RGS6: variants seen among roughly 807,000 people sequenced by gnomAD.
The protein encoded by RGS6 is regulator of G-protein signaling 6.
In RGS6, 30 loss-of-function variants were observed where a neutral mutation model predicts 78.5. That is an observed-to-expected ratio of 0.38 (90% CI 0.29 to 0.52). The LOEUF (loss-of-function observed/expected upper bound fraction) is 0.52, where lower values mean the gene tolerates loss of function less well. Ranked by LOEUF, RGS6 falls within the 20% of genes least tolerant of loss-of-function variation. The pLI, the probability that RGS6 is intolerant of heterozygous loss-of-function variation, is 0.85. For missense variants in RGS6, 495 were observed against 609.7 expected, an observed-to-expected ratio of 0.81 and a Z score of 1.98; for synonymous variants, 206 against 206.0, an observed-to-expected ratio of 1.00 and a Z score of 0.00.
intron 2 of RGS6, among the ~76,000 whole-genome samples, chr14:72,068,281 T>C (rs58912938): frequency 2.2e-3 from 327 of 151,416 alleles, no homozygotes; most frequent in African/African-American, 7.5e-3. Context: ...ACTACAGGCA[T>C]GCACCACCAC....
chr14:72,152,271 T>C (rs867733044), intron 2 of RGS6, among the ~76,000 whole-genome samples: 61 of 149,528 alleles, frequency 4.1e-4, no homozygotes, highest in Admixed American at 2.5e-3. Flanking sequence ...TGTGTGTGTG[T>C]GTGCGCATGC....
At chr14:72,615,681 C>T in the RGS6 span, among the ~76,000 whole-genome samples, 4 of 152,330 alleles carry the variant, frequency 2.6e-5, no homozygotes, top group East Asian at 5.8e-4. Context: ...CTTCCTACCT[C>T]GCCCTGGGGC....
chr14:72,348,316 T>C (rs1455474003), intron 2 of RGS6, among the ~76,000 whole-genome samples: 1 of 152,234 alleles, frequency 6.6e-6, no homozygotes, highest in East Asian at 1.9e-4. Context: ...CTTGGATAAA[T>C]TGCTTAACCT....
intron 2 of RGS6, among the ~76,000 whole-genome samples, chr14:72,119,529 T>A (rs564006334): frequency 6.6e-6 from 1 of 152,330 alleles, no homozygotes; most frequent in Admixed American, 6.5e-5. Flanking sequence ...TTATTCTTTC[T>A]GTGAACAGCT....
intron 2 of RGS6, among the ~76,000 whole-genome samples, chr14:72,181,836 C>T (rs1054277581): frequency 2.0e-5 from 3 of 152,158 alleles, no homozygotes; most frequent in African/African-American, 4.8e-5. Context: ...GAGTGACGCA[C>T]ATTAAAATTA....
chr14:72,319,518 AT>A (rs747272038), intron 2 of RGS6, among the ~76,000 whole-genome samples: 51 of 151,862 alleles, frequency 3.4e-4, no homozygotes, highest in Non-Finnish European at 5.1e-4. Flanking sequence ...TGCCCGGCTA[AT>A]TTTTTTGTAT....
At chr14:72,263,382 C>T (rs986095988) in intron 2 of RGS6, among the ~76,000 whole-genome samples, 15 of 152,118 alleles carry the variant, frequency 9.9e-5, no homozygotes, top group African/African-American at 3.4e-4. Context: ...AGCCTTGTCA[C>T]CACCTGGAGA....
chr14:72,489,156 G>GCC (rs35147203), intron 12 of RGS6, among the ~76,000 whole-genome samples: 25,750 of 141,566 alleles, frequency 0.18, 2,984 homozygotes, highest in East Asian at 0.58. Flanking sequence ...GACAAAGGGG[G>GCC]CCCCCCCACC....
At chr14:72,391,020 G>A (rs2089837931) in intron 3 of RGS6, among the ~76,000 whole-genome samples, 1 of 152,166 alleles carries the variant, frequency 6.6e-6, no homozygotes, top group Non-Finnish European at 1.5e-5. Flanking sequence ...GTTGTCCTGG[G>A]CTGGAAGCAG....
intron 2 of RGS6, among the ~76,000 whole-genome samples, chr14:72,016,878 C>T (rs533789016): frequency 7.2e-5 from 11 of 152,138 alleles, no homozygotes; most frequent in East Asian, 5.8e-4. Context: ...ACAGATAAAT[C>T]GTAAGAATTT....
intron 15 of RGS6, among the ~76,000 whole-genome samples, chr14:72,527,367 T>G (rs528486695): frequency 6.6e-6 from 1 of 152,288 alleles, no homozygotes; most frequent in East Asian, 1.9e-4. Flanking sequence ...AAGCAGCACT[T>G]CAATGTGAGA....
the RGS6 span, among the ~76,000 whole-genome samples, chr14:72,577,061 G>C: frequency 6.6e-6 from 1 of 152,178 alleles, no homozygotes; most frequent in Admixed American, 6.5e-5. Context: ...CCCCATTTTA[G>C]CTACTAAAGT....
At chr14:72,038,818 C>G (rs11849870) in intron 2 of RGS6, among the ~76,000 whole-genome samples, 18,556 of 152,126 alleles carry the variant, frequency 0.12, 1,165 homozygotes, top group East Asian at 0.17. Flanking sequence ...TATGCTATTT[C>G]TTGGGATTTT....
At chr14:72,442,035 A>T (rs1325427926) in intron 3 of RGS6, among the ~76,000 whole-genome samples, 1 of 152,198 alleles carries the variant, frequency 6.6e-6, no homozygotes, top group Non-Finnish European at 1.5e-5. Context: ...AAATGTTTGC[A>T]TCCTGATGCT....
chr14:71,955,574 T>C (rs1167448013), intron 1 of RGS6, among the ~76,000 whole-genome samples: 1 of 152,198 alleles, frequency 6.6e-6, no homozygotes, highest in African/African-American at 2.4e-5. Context: ...CTCCCCTTTT[T>C]AGGCCATATA....
At chr14:72,215,334 G>A (rs1040470821) in intron 2 of RGS6, among the ~76,000 whole-genome samples, 29 of 152,174 alleles carry the variant, frequency 1.9e-4, no homozygotes, top group African/African-American at 6.3e-4. Context: ...CTTTGCTGAC[G>A]GGGTAGAGAT....
At chr14:71,882,364 G>A in the RGS6 span, among the ~76,000 whole-genome samples, 1 of 152,184 alleles carries the variant, frequency 6.6e-6, no homozygotes, top group African/African-American at 2.4e-5. Flanking sequence ...GTTGATGTGG[G>A]CATTTAGGTT....
intron 2 of RGS6, among the ~76,000 whole-genome samples, chr14:72,081,010 G>GATTCAAA (rs2094800087): frequency 6.6e-6 from 1 of 151,928 alleles, no homozygotes; most frequent in Non-Finnish European, 1.5e-5. Context: ...GGTCTTTTGT[G>GATTCAAA]GTTCCATATG....
intron 2 of RGS6, among the ~76,000 whole-genome samples, chr14:72,332,108 G>A (rs1024421586): frequency 2.0e-5 from 3 of 152,302 alleles, no homozygotes; most frequent in East Asian, 1.9e-4. Context: ...TTCCTTAGGA[G>A]GTGCAGCCTG....
Sources: allele counts gnomAD v4.1 joint callset (sites outside exome capture counted in the v4.1 genomes callset), GRCh38; gene constraint gnomAD v4.1.1; transcripts MANE v1.5; gene names NCBI Gene and HGNC (gene_info 2026-07-23, HGNC 2026-07-21).